Variants in MIA observed in about 807,000 individuals in gnomAD.
MIA encodes melanoma-derived growth regulatory protein.
Under a neutral mutation model 18.5 loss-of-function variants are expected in MIA, and 18 were observed. That is an observed-to-expected ratio of 0.97 (90% CI 0.67 to 1.44). The LOEUF is 1.44. Among genes scored for constraint, MIA ranks in the 40% most tolerant of loss-of-function variants. The probability of loss-of-function intolerance (pLI) is 0.00; values close to 1 mark genes in which losing one functional copy is unlikely to be tolerated. For missense variants in MIA, 158 were observed against 172.4 expected, an observed-to-expected ratio of 0.92 and a Z score of 0.47; for synonymous variants, 55 against 64.9, an observed-to-expected ratio of 0.85 and a Z score of 0.74.
At position 40,775,532 on chromosome 19, in the gene MIA, C is replaced by T. The variant is rs777651931; in HGVS notation, c.-11C>T. ...GCACCCCCTTGCTCACTCTCTTGCTCACAGTCCACGATGGCCCGGTCCCTG... is the reference window on the plus strand; with the variant it reads ...GCACCCCCTTGCTCACTCTCTTGCTTACAGTCCACGATGGCCCGGTCCCTG... On this transcript the variant is annotated 5_prime_UTR_variant, in exon 1 of 4. Coordinates refer to ENST00000263369, the MANE Select transcript of MIA (RefSeq NM_006533.4). 3.7e-6 allele frequency: 6 copies of T among 1,613,892 alleles called. No homozygotes were observed. The Admixed American group carries it at 8.3e-5, about 22-fold the overall frequency.
intron 3 of MIA, 113 bp from the exon 4 acceptor site, chr19:40,777,284 C>A: frequency 7.7e-7 from 1 of 1,302,154 alleles, no homozygotes; most frequent in Non-Finnish European, 1.1e-6. Flanking sequence ...ATTTGCATAG[C>A]ACTTGTGTGG....
chr19:40,776,252 C>G (rs2082995512), intron 2 of MIA, among the ~76,000 whole-genome samples: 1 of 152,016 alleles, frequency 6.6e-6, no homozygotes. Flanking sequence ...GTCTTGAACT[C>G]CTGACCTCAT....
rs756447958 is a variant in MIA, at chr19:40,776,978, G to A, written c.271G>A (p.Asp91Asn). 3.7e-6 allele frequency: 6 copies of A among 1,613,028 alleles called. No individual in the cohort carries two copies. The highest frequency in any genetic ancestry group is 4.2e-6 in the Non-Finnish European group (5 of 1,179,490). The change falls in exon 3 of 4, where the codon GAT (aspartate) becomes AAT (asparagine). Residue 91 changes from aspartate to asparagine, a missense_variant. By Grantham distance (23) the Asp-to-Asn change is conservative. Coordinates refer to ENST00000263369, the MANE Select transcript of MIA (RefSeq NM_006533.4). Reference protein sequence around the residue: ...RLFWGGSVQGDYYGDLAARLG... With the variant: ...RLFWGGSVQGNYYGDLAARLG... ...AACTCCTCTTCCCCAGGTTCAGGGA[G>A]ATTACTATGGAGATCTGGCTGCTCG...
At chr19:40,775,287 A>AC (rs2082987661), upstream of MIA, 1 of 518,146 alleles carries the variant, frequency 1.9e-6, no homozygotes. Flanking sequence ...ATTGTTGAGG[A>AC]GGGGGCTGTC....
upstream of MIA, chr19:40,775,247 T>G (rs1031527711): frequency 2.8e-6 from 1 of 354,808 alleles, no homozygotes; most frequent in East Asian, 5.2e-5. Context: ...TGGAATTGAA[T>G]ATTTCAACCA....
rs1247995336 is a variant in MIA at position 40,775,756 on chromosome 19, T to C, written c.132T>C (p.Pro44=). 4.3e-6 allele frequency: 7 copies of C among 1,614,032 alleles called. No homozygotes were observed. The highest frequency in any genetic ancestry group is 5.9e-6 in the Non-Finnish European group (7 of 1,180,034). Residue 44 remains proline (P), a synonymous_variant, in exon 2 of 4, where the codon CCT becomes CCC. Transcript: ENST00000263369. ...KLCADQECSH[P]ISMAVALQDY... is the part of the protein sequence containing the mutation. ...TCCCTTCTATTCCTTCCCTAGACCCTATCTCCATGGCTGTGGCCCTTCAGG... is the reference window on the plus strand; with the variant it reads ...TCCCTTCTATTCCTTCCCTAGACCCCATCTCCATGGCTGTGGCCCTTCAGG...
chr19:40,776,970 T>C lies in MIA; in HGVS notation c.263T>C (p.Val88Ala). 1 of 1,611,252 alleles carries C rather than the reference T, an allele frequency of 6.2e-7. No homozygotes were observed. Among genetic ancestry groups the C allele is most frequent in the Non-Finnish European group, 8.5e-7 (1 of 1,177,988 alleles). ...TAGCTTTTAACTCCTCTTCCCCAGG[T>C]TCAGGGAGATTACTATGGAGATCTG... ...GRGRLFWGGS[V>A]QGDYYGDLAA... Residue 88 changes from valine (V) to alanine (A), a missense_variant and splice_region_variant, in exon 3 of 4, where the codon GTT (valine) becomes GCT (alanine). Physicochemically the swap from Val to Ala is moderately conservative, Grantham distance 64. Coordinates refer to ENST00000263369, the MANE Select transcript of MIA (RefSeq NM_006533.4).
intron 2 of MIA, 102 bp downstream of exon 2, chr19:40,775,987 G>T: frequency 1.4e-6 from 2 of 1,395,930 alleles, no homozygotes; most frequent in Non-Finnish European, 2.0e-6. Flanking sequence ...AATAGACATT[G>T]TGGGGGGATA....
At chr19:40,777,169 G>A in intron 3 of MIA, 90 bp downstream of exon 3, 1 of 1,220,328 alleles carries the variant, frequency 8.2e-7, no homozygotes, top group Non-Finnish European at 1.2e-6. Flanking sequence ...TGGCTCCCTG[G>A]CAGCCTAGGT....
intron 3 of MIA, 104 bp downstream of exon 3, chr19:40,777,183 T>G: frequency 8.7e-7 from 1 of 1,147,812 alleles, no homozygotes; most frequent in Non-Finnish European, 1.3e-6. Context: ...CCTAGGTATG[T>G]GCGCTGGGAG....
rs1230920985 is a variant in MIA, at chr19:40,777,480, C to G, written c.*60C>G. The G allele has an allele frequency of 1.3e-6, 2 of 1,520,274 alleles. No homozygotes were observed. Among genetic ancestry groups the G allele is most frequent in the Non-Finnish European group, 1.8e-6 (2 of 1,097,652 alleles). The allele number at this position is 1,520,274 out of a possible 1,614,324, so 94.2% of individuals were successfully genotyped here. A position where few individuals can be genotyped will look rare whatever the true frequency, so the allele number is the denominator to read the frequency against. ...CTTGGCTTTATGCAAATACAATCAG[C>G]CCAGTGCAAACGGCTCGTCTCCGTG... On this transcript the variant is annotated 3_prime_UTR_variant, in exon 4 of 4. Transcript: ENST00000263369.
chr19:40,776,847 GA>G, intron 2 of MIA, 121 bp from the exon 3 acceptor site: 1 of 652,488 alleles, frequency 1.5e-6, no homozygotes, highest in Non-Finnish European at 2.7e-6. Context: ...TTTAAGCTGA[GA>G]TTCATATGAC....
intron 2 of MIA, chr19:40,776,716 TG>T: frequency 2.9e-6 from 1 of 344,052 alleles, no homozygotes; most frequent in Non-Finnish European, 5.4e-6. Flanking sequence ...CACCTCAACC[TG>T]GGCGACACAA....
intron 2 of MIA, 168 bp from the exon 3 acceptor site, chr19:40,776,801 C>G: frequency 1.8e-6 from 1 of 564,100 alleles, no homozygotes; most frequent in South Asian, 2.2e-5. Context: ...CAGAGACTTA[C>G]TTGGGTGTTC....
intron 2 of MIA, chr19:40,776,744 AAATAATAAT>A (rs548386580): frequency 4.8e-6 from 2 of 417,832 alleles, no homozygotes; most frequent in African/African-American, 2.1e-5. Flanking sequence ...CCTGTTTCCA[AAATAATAAT>A]AATAATAAAA....
At chr19:40,777,333 C>G (rs2083005252) in intron 3 of MIA, 64 bp from the exon 4 acceptor site, 1 of 1,589,178 alleles carries the variant, frequency 6.3e-7, no homozygotes, top group Non-Finnish European at 8.6e-7. Context: ...TTGCTAAAAC[C>G]ACTAGATCCT....
In MIA at chr19:40,775,593, C is replaced by A; in HGVS notation, c.51C>A (p.Phe17Leu). The A allele has an allele frequency of 6.2e-7, 1 of 1,614,202 alleles. No homozygotes were observed. The highest frequency in any genetic ancestry group is 8.5e-7 in the Non-Finnish European group (1 of 1,180,036). The change falls in exon 1 of 4, where the codon TTC (phenylalanine) becomes TTA (leucine). Residue 17 changes from phenylalanine (F) to leucine (L), a missense_variant. By Grantham distance (22) the Phe-to-Leu change is conservative. Coordinates refer to ENST00000263369, the MANE Select transcript of MIA (RefSeq NM_006533.4). ...CLGVIILLSA[F>L]SGPGVRGGPM... ...GTGTCATCATCTTGCTGTCTGCCTTCTCCGGACCTGGTGTCAGGGGTGGTC... is the reference window on the plus strand; with the variant it reads ...GTGTCATCATCTTGCTGTCTGCCTTATCCGGACCTGGTGTCAGGGGTGGTC...
rs759536051 is a variant in MIA at position 40,777,410 on chromosome 19, A to G, written c.386A>G (p.Tyr129Cys). 2.5e-6 allele frequency: 4 copies of G among 1,613,380 alleles called. No homozygotes were observed. The highest frequency in any genetic ancestry group is 1.3e-5 in the African/African-American group (1 of 74,714). The change falls in exon 4 of 4, where the codon TAC becomes TGC. Residue 129 changes from tyrosine (Y) to cysteine (C), a missense_variant. Physicochemically the swap from Tyr to Cys is radical, Grantham distance 194 (BLOSUM62 -2). Coordinates refer to ENST00000263369, the MANE Select transcript of MIA (RefSeq NM_006533.4). Reference sequence around the variant, plus strand: ...TCTCTTTTTCAGAAATGGGATTTCTACTGCCAGTGAGCTCAGCCTACCGCT... The same window carrying G: ...TCTCTTTTTCAGAAATGGGATTTCTGCTGCCAGTGAGCTCAGCCTACCGCT... ...VDVKTDKWDF[Y>C]CQ
In MIA at chr19:40,775,686, G is replaced by A. The variant is rs2082990571; in HGVS notation, c.127+17G>A. 6.2e-7 allele frequency: 1 copy of A among 1,614,164 alleles called. No homozygotes were observed. The highest frequency in any genetic ancestry group is 8.5e-7 in the Non-Finnish European group (1 of 1,180,024). Reference sequence around the variant, plus strand: ...AGTGCAGCCGTAAGAATGGGGAGGGGAGAATTGGGGGCTTGGGCGTTAGCC... The same window carrying A: ...AGTGCAGCCGTAAGAATGGGGAGGGAAGAATTGGGGGCTTGGGCGTTAGCC... On this transcript the variant is annotated intron_variant, in intron 1 of 3. Coordinates refer to ENST00000263369, the MANE Select transcript of MIA (RefSeq NM_006533.4).
Sources: gnomAD v4.1 joint callset for allele counts (sites outside exome capture counted in the v4.1 genomes callset) on GRCh38, gnomAD v4.1.1 for gene constraint, MANE v1.5 for transcripts, NCBI Gene and HGNC (gene_info 2026-07-23, HGNC 2026-07-21) for gene names.